The following E2F7 variants were observed in gnomAD, a reference collection of about 807,000 sequenced individuals.
E2F7 encodes E2F transcription factor 7.
In E2F7, 35 loss-of-function variants were observed where a neutral mutation model predicts 81.1. The ratio of observed to expected loss-of-function variants is 0.43; its 90% CI spans 0.33 to 0.57. The LOEUF (loss-of-function observed/expected upper bound fraction) is 0.57, where lower values mean the gene tolerates loss of function less well. Among genes scored for constraint, E2F7 ranks in the 20% least tolerant of loss-of-function variants. The pLI is 0.04. For missense variants in E2F7, 961 were observed against 1,093.7 expected (o/e 0.88, Z 1.71); for synonymous variants, 416 against 416.2 (o/e 1.00, Z 0.01).
chr12:77,063,503 A>T lies in E2F7; in HGVS notation c.93+1040T>A, dbSNP rs373216827. On this transcript the variant is annotated intron_variant, in intron 2 of 12. Transcript: ENST00000322886. ...TTTGGGGGTGGAAAACATAAACAGAATAAACAGAAATGTGTTCCAACTAAT... is the reference window on the plus strand; with the variant it reads ...TTTGGGGGTGGAAAACATAAACAGATTAAACAGAAATGTGTTCCAACTAAT... Among the ~76,000 whole-genome samples the T allele has an allele frequency of 5.3e-5, 8 of 152,284 alleles. No homozygotes were observed. In the South Asian group the frequency reaches 1.2e-3, roughly 24 times the overall value.
intron 2 of E2F7, among the ~76,000 whole-genome samples, chr12:77,061,360 T>C (rs1955077376): frequency 6.6e-6 from 1 of 152,162 alleles, no homozygotes; most frequent in African/African-American, 2.4e-5. Flanking sequence ...AGAACACCCA[T>C]GCCCATTAAG....
rs1279602780 is a variant in E2F7, at chr12:77,028,288, G to A, written c.1885-150C>T. 3 of 1,040,882 alleles carry A rather than the reference G, an allele frequency of 2.9e-6. No homozygotes were observed. In the African/African-American group the frequency reaches 4.9e-5, roughly 17 times the overall value. The allele number at this position is 1,040,882 out of a possible 1,614,324, so 64.5% of individuals were successfully genotyped here. ...GCTCACTGCAACCTCTGACTCCAAG[G>A]TTCAAGTGATTCTCCTGCCTCAGCC... is the stretch of plus-strand genomic sequence containing the variant. On this transcript the variant is annotated intron_variant, in intron 10 of 12. Coordinates refer to ENST00000322886, the MANE Select transcript of E2F7 (RefSeq NM_203394.3).
intron 3 of E2F7, 107 bp downstream of exon 3, chr12:77,055,748 G>A: frequency 9.1e-6 from 12 of 1,312,908 alleles, no homozygotes; most frequent in Non-Finnish European, 1.2e-5. Context: ...GTTTGCCACT[G>A]CTTTTGGCTC....
Position 77,029,994 on chromosome 12 carries a change from T to C in E2F7, c.1721A>G (p.Asp574Gly). 1.2e-6 allele frequency: 2 copies of C among 1,614,176 alleles called. No individual in the cohort carries two copies. The highest frequency in any genetic ancestry group is 1.7e-6 in the Non-Finnish European group (2 of 1,180,044). The change falls in exon 10 of 13, where the codon GAT becomes GGT. Residue 574 changes from aspartate (D) to glycine (G), a missense_variant. By Grantham distance (94) the Asp-to-Gly change is moderately conservative. This residue lies in a region of E2F7 where 587 missense variants were observed against 620.3 expected (regional missense o/e 0.95). Coordinates refer to ENST00000322886, the MANE Select transcript of E2F7 (RefSeq NM_203394.3). ...GPASGSGSER[D>G]DRSSEAPATV... is the part of the protein sequence containing the mutation. The stretch of plus-strand genomic sequence containing the variant: ...GGCTGGGGCTTCTGAGCTTCTGTCA[T>C]CCCTCTCTGACCCTGACCCTGACGC...
At chr12:77,058,158 A>G (rs1955050009) in intron 2 of E2F7, among the ~76,000 whole-genome samples, 1 of 152,174 alleles carries the variant, frequency 6.6e-6, no homozygotes, top group Non-Finnish European at 1.5e-5. Context: ...CACCTCTTTT[A>G]ACAAGTCCCT....
chr12:77,059,841 T>A (rs1955063993), intron 2 of E2F7, among the ~76,000 whole-genome samples: 1 of 151,656 alleles, frequency 6.6e-6, no homozygotes, highest in Non-Finnish European at 1.5e-5. Context: ...CGGGCGCCTG[T>A]AGTCCCAGCT....
At position 77,025,583 on chromosome 12, in the gene E2F7, G is replaced by A; in HGVS notation, c.2540C>T (p.Pro847Leu). 1 of 1,614,182 alleles carries A rather than the reference G, an allele frequency of 6.2e-7. No individual in the cohort carries two copies. Among genetic ancestry groups the A allele is most frequent in the Non-Finnish European group, 8.5e-7 (1 of 1,180,026 alleles). The change falls in exon 12 of 13, where the codon CCA becomes CTA. Residue 847 changes from proline (P) to leucine (L), a missense_variant. Transcript: ENST00000322886. ...QPESPVYVGH[P>L]VSVVKLHQSP... Reference sequence around the variant, plus strand: ...CTGATGTAATTTTACTACTGAGACTGGATGTCCCACGTAAACGGGGGACTC... The same window carrying A: ...CTGATGTAATTTTACTACTGAGACTAGATGTCCCACGTAAACGGGGGACTC...
At position 77,064,629 on chromosome 12, in the gene E2F7, C is replaced by G. The variant is rs61744271; in HGVS notation, c.7G>C (p.Val3Leu). The G allele has an allele frequency of 2.5e-6, 4 of 1,613,448 alleles. No homozygotes were observed. In the East Asian group the frequency reaches 8.9e-5, roughly 36 times the overall value. Residue 3 changes from valine to leucine, a missense_variant, in exon 2 of 13, where the codon GTA becomes CTA. By Grantham distance (32) the Val-to-Leu change is conservative. Around this residue, in one of 3 missense-constraint regions of E2F7, gnomAD observed 73 missense variants for 68.4 expected, o/e 1.07. Coordinates refer to ENST00000322886, the MANE Select transcript of E2F7 (RefSeq NM_203394.3). The stretch of plus-strand genomic sequence containing the variant: ...AGGTCTTTTAGTGTTAAACAATTTA[C>G]CTCCATCTGTAATGCACAATTACAC... The part of the protein sequence containing the change: ME[V>L]NCLTLKDLIS...
At position 77,025,554 on chromosome 12, in the gene E2F7, T is replaced by C; in HGVS notation, c.2565+4A>G. 6.2e-7 allele frequency: 1 copy of C among 1,613,724 alleles called. No individual in the cohort carries two copies. The highest frequency in any genetic ancestry group is 8.5e-7 in the Non-Finnish European group (1 of 1,179,678). ...CAGTGTCTTCAGGAAACTTCAGGCC[T>C]CACCTGATGTAATTTTACTACTGAG... On this transcript the variant is annotated splice_donor_region_variant and intron_variant, in intron 12 of 12. Transcript: ENST00000322886.
chr12:77,024,252 A>C, intron 12 of E2F7, 67 bp from the exon 13 acceptor site: 2 of 1,510,672 alleles, frequency 1.3e-6, no homozygotes, highest in Non-Finnish European at 8.9e-7. Flanking sequence ...GTAGAAAGGC[A>C]GCCCTTTCTT....
intron 5 of E2F7, chr12:77,045,828 G>A: frequency 1.7e-6 from 1 of 582,446 alleles, no homozygotes; most frequent in Non-Finnish European, 2.9e-6. Flanking sequence ...AAACTCGAGT[G>A]AACTGCCATG....
Position 77,062,664 on chromosome 12 carries a change from G to T in E2F7, c.93+1879C>A, listed in dbSNP as rs1045573143. Among the ~76,000 whole-genome samples the T allele has an allele frequency of 5.3e-5, 8 of 152,182 alleles. No individual in the cohort carries two copies. In the South Asian group the frequency reaches 6.2e-4, roughly 12 times the overall value. On this transcript the variant is annotated intron_variant, in intron 2 of 12. Coordinates refer to ENST00000322886, the MANE Select transcript of E2F7 (RefSeq NM_203394.3). ...ACAGTAGCACTTGCTGATGCTAGAG[G>T]AGAAGGGTCTTTGTTGAAGGTACTT... is the stretch of plus-strand genomic sequence containing the variant.
At chr12:77,044,155 GA>G in intron 6 of E2F7, 1 of 356,210 alleles carries the variant, frequency 2.8e-6, no homozygotes, top group Non-Finnish European at 5.8e-6. Context: ...AAGATGGACA[GA>G]AAAGGAGGAT....
At chr12:77,039,305 T>C (rs986689339) in intron 7 of E2F7, among the ~76,000 whole-genome samples, 44 of 152,140 alleles carry the variant, frequency 2.9e-4, no homozygotes, top group African/African-American at 9.7e-4. Context: ...TAAAAACTAA[T>C]ACATTAGTGG....
Position 77,044,319 on chromosome 12 carries a change from G to C in E2F7, c.988+318C>G, listed in dbSNP as rs376144962. The C allele has an allele frequency of 5.7e-4, 280 of 490,216 alleles. 6 individuals are homozygous for C. Among genetic ancestry groups the C allele is most frequent in the South Asian group, 3.9e-3 (248 of 64,158 alleles). 30.4% of individuals were successfully genotyped at this position (490,216 alleles called of 1,614,324 possible). ...GGGAAAAAAGGGGAAAGAAAACTCA[G>C]ACATTCTGTCTTGGATGCAGCAATA... On this transcript the variant is annotated intron_variant, in intron 6 of 12. Transcript: ENST00000322886.
intron 7 of E2F7, 71 bp from the exon 8 acceptor site, chr12:77,034,113 G>C: frequency 7.3e-7 from 1 of 1,375,590 alleles, no homozygotes; most frequent in Non-Finnish European, 9.9e-7. Context: ...CTATTTAAGA[G>C]ATGGCTTTGA....
At chr12:77,042,668 A>T (rs529518684) in intron 7 of E2F7, among the ~76,000 whole-genome samples, 2 of 152,352 alleles carry the variant, frequency 1.3e-5, no homozygotes, top group Admixed American at 1.3e-4. Flanking sequence ...ATTTTTACTC[A>T]TAATTTTACT....
intron 2 of E2F7, among the ~76,000 whole-genome samples, chr12:77,063,806 C>T (rs1656554167): frequency 6.6e-6 from 1 of 152,178 alleles, no homozygotes; most frequent in South Asian, 2.1e-4. Flanking sequence ...AGACCAGGAG[C>T]TCGGAGAAGT....
intron 8 of E2F7, 35 bp from the exon 9 acceptor site, chr12:77,033,157 A>C (rs2120647512): frequency 6.3e-7 from 1 of 1,585,924 alleles, no homozygotes; most frequent in East Asian, 2.2e-5. Flanking sequence ...CAAATATAGC[A>C]AGAGACTTAT....
Sources: gnomAD v4.1 joint callset for allele counts (sites outside exome capture counted in the v4.1 genomes callset) on GRCh38, gnomAD v4.1.1 for gene constraint, gnomAD v4.1.1 regional missense constraint, MANE v1.5 for transcripts, NCBI Gene and HGNC (gene_info 2026-07-23, HGNC 2026-07-21) for gene names.